Variants in GALNT13 observed in about 807,000 individuals in gnomAD.
GALNT13 encodes the protein polypeptide N-acetylgalactosaminyltransferase 13, also known as UDP-GalNAc:polypeptide N-acetylgalactosaminyltransferase 13.
Under a neutral mutation model 64.2 loss-of-function variants are expected in GALNT13, and 28 were observed. That is an observed-to-expected ratio of 0.44 (90% CI 0.32 to 0.60). The LOEUF (loss-of-function observed/expected upper bound fraction) is 0.60, where lower values mean the gene tolerates loss of function less well. GALNT13 is among the 20% of genes least tolerant of loss of function. The pLI, the probability that GALNT13 is intolerant of heterozygous loss-of-function variation, is 0.05. For synonymous variants in GALNT13, 214 were observed against 224.6 expected, an observed-to-expected ratio of 0.95 and a Z score of 0.42; for missense variants, 577 against 669.8, an observed-to-expected ratio of 0.86 and a Z score of 1.53.
At chr2:153,987,232 C>G (rs1028868943) in intron 3 of GALNT13, among the ~76,000 whole-genome samples, 7 of 151,822 alleles carry the variant, frequency 4.6e-5, no homozygotes, top group Non-Finnish European at 1.0e-4. Flanking sequence ...TAAATAAAAT[C>G]GGGCAAGTCT....
At chr2:154,158,121 C>T (rs948473312) in intron 4 of GALNT13, among the ~76,000 whole-genome samples, 2 of 152,090 alleles carry the variant, frequency 1.3e-5, no homozygotes, top group Non-Finnish European at 2.9e-5. Context: ...CCCCTGATAT[C>T]GAGAATTGAA....
chr2:154,189,330 T>G (rs2105750531), intron 4 of GALNT13, among the ~76,000 whole-genome samples: 1 of 152,288 alleles, frequency 6.6e-6, no homozygotes, highest in South Asian at 2.1e-4. Context: ...AAGCCCTAAC[T>G]TCCAATGTCA....
chr2:153,803,044 T>C, the GALNT13 span, among the ~76,000 whole-genome samples: 1 of 152,308 alleles, frequency 6.6e-6, no homozygotes, highest in Non-Finnish European at 1.5e-5. Context: ...TAATATTCAT[T>C]ACATTCAACT....
At chr2:153,954,930 A>G (rs1692455276) in intron 3 of GALNT13, among the ~76,000 whole-genome samples, 1 of 152,068 alleles carries the variant, frequency 6.6e-6, no homozygotes, top group South Asian at 2.1e-4. Flanking sequence ...CTATGTATGA[A>G]CTATTTATAC....
chr2:153,990,426 G>C (rs1385145776), intron 3 of GALNT13, among the ~76,000 whole-genome samples: 1 of 152,114 alleles, frequency 6.6e-6, no homozygotes, highest in Non-Finnish European at 1.5e-5. Context: ...TGTGTCTGTG[G>C]TATAAGGTCT....
chr2:154,403,396 C>T (rs1368462117), intron 10 of GALNT13, among the ~76,000 whole-genome samples: 1 of 151,446 alleles, frequency 6.6e-6, no homozygotes, highest in African/African-American at 2.4e-5. Flanking sequence ...TTGGAGGTTG[C>T]AGTGATCTGA....
At chr2:153,071,100 A>G in the GALNT13 span, among the ~76,000 whole-genome samples, 1 of 152,226 alleles carries the variant, frequency 6.6e-6, no homozygotes, top group Non-Finnish European at 1.5e-5. Flanking sequence ...AGTTGAAGAA[A>G]AAACAATTTC....
At chr2:154,162,149 G>A (rs1397073016) in intron 4 of GALNT13, among the ~76,000 whole-genome samples, 2 of 151,996 alleles carry the variant, frequency 1.3e-5, no homozygotes, top group African/African-American at 4.8e-5. Flanking sequence ...CTCTATATCA[G>A]AAATAAACAA....
At chr2:153,624,877 A>G in the GALNT13 span, among the ~76,000 whole-genome samples, 1 of 150,482 alleles carries the variant, frequency 6.6e-6, no homozygotes, top group Non-Finnish European at 1.5e-5. Flanking sequence ...GAGATAGTTC[A>G]GAAGACAGTT....
chr2:153,510,575 C>A, the GALNT13 span, among the ~76,000 whole-genome samples: 5 of 152,112 alleles, frequency 3.3e-5, no homozygotes, highest in Non-Finnish European at 7.4e-5. Flanking sequence ...ATCAGCCTGG[C>A]GGCACATTAG....
chr2:153,949,104 C>T (rs1393576888), intron 3 of GALNT13, among the ~76,000 whole-genome samples: 5 of 152,040 alleles, frequency 3.3e-5, no homozygotes, highest in African/African-American at 1.2e-4. Flanking sequence ...AGCATAGTAA[C>T]ATGTTATACA....
At chr2:153,362,911 C>A in the GALNT13 span, among the ~76,000 whole-genome samples, 1 of 152,088 alleles carries the variant, frequency 6.6e-6, no homozygotes, top group East Asian at 1.9e-4. Flanking sequence ...AACTCTCCAC[C>A]CTAAATCAAC....
At chr2:153,755,184 G>A in the GALNT13 span, among the ~76,000 whole-genome samples, 1 of 152,006 alleles carries the variant, frequency 6.6e-6, no homozygotes, top group South Asian at 2.1e-4. Flanking sequence ...TCTTATAAAG[G>A]TTTCTGTTCG....
At chr2:153,751,012 A>G in the GALNT13 span, among the ~76,000 whole-genome samples, 1 of 151,664 alleles carries the variant, frequency 6.6e-6, no homozygotes, top group Non-Finnish European at 1.5e-5. Flanking sequence ...TTTTGTTTCC[A>G]TTGTCATTTA....
the GALNT13 span, among the ~76,000 whole-genome samples, chr2:153,160,748 A>G: frequency 1.3e-5 from 2 of 152,204 alleles, no homozygotes; most frequent in East Asian, 1.9e-4. Context: ...CACTCAATCA[A>G]TTGATTATAA....
At chr2:153,306,712 G>T in the GALNT13 span, among the ~76,000 whole-genome samples, 1 of 152,080 alleles carries the variant, frequency 6.6e-6, no homozygotes, top group Admixed American at 6.5e-5. Flanking sequence ...TAGAAATAGG[G>T]ACCATTAAGC....
intron 3 of GALNT13, among the ~76,000 whole-genome samples, chr2:153,958,661 C>G (rs1327070587): frequency 6.6e-6 from 1 of 152,108 alleles, no homozygotes; most frequent in Non-Finnish European, 1.5e-5. Context: ...TTAGTAAATG[C>G]CAAGTTGCTT....
At chr2:153,716,217 A>G in the GALNT13 span, among the ~76,000 whole-genome samples, 2 of 152,230 alleles carry the variant, frequency 1.3e-5, no homozygotes, top group African/African-American at 4.8e-5. Context: ...AGCTTTAGTC[A>G]CACTGAATAT....
the GALNT13 span, among the ~76,000 whole-genome samples, chr2:153,685,115 CAT>C: frequency 6.6e-6 from 1 of 151,816 alleles, no homozygotes; most frequent in Non-Finnish European, 1.5e-5. Context: ...CTGCAATGAA[CAT>C]ATGTGTGCAC....
Sources: allele counts gnomAD v4.1 joint callset (sites outside exome capture counted in the v4.1 genomes callset), GRCh38; gene constraint gnomAD v4.1.1; transcripts MANE v1.5; gene names NCBI Gene and HGNC (gene_info 2026-07-23, HGNC 2026-07-21).